Variants in PDE4D observed in about 807,000 individuals in gnomAD.
PDE4D encodes phosphodiesterase 4D, also known as 3',5'-cyclic-AMP phosphodiesterase 4D.
Under a neutral mutation model 87.4 loss-of-function variants are expected in PDE4D, and 24 were observed. That is an observed-to-expected ratio of 0.27 (90% CI 0.20 to 0.39). The LOEUF is 0.39. PDE4D is among the 10% of genes least tolerant of loss of function. PDE4D has a pLI of 1.00. For synonymous variants in PDE4D, 384 were observed against 383.2 expected, an observed-to-expected ratio of 1.00 and a Z score of -0.02; for missense variants, 714 against 1,041.0, an observed-to-expected ratio of 0.69 and a Z score of 4.32.
At chr5:59,981,084 T>C (rs1761879244) in intron 3 of PDE4D, among the ~76,000 whole-genome samples, 1 of 152,052 alleles carries the variant, frequency 6.6e-6, no homozygotes. Context: ...AAACCCCATT[T>C]CTACTAAAAA....
intron 1 of PDE4D, among the ~76,000 whole-genome samples, chr5:59,474,617 C>A (rs887920222): frequency 6.6e-6 from 1 of 152,118 alleles, no homozygotes; most frequent in Non-Finnish European, 1.5e-5. Flanking sequence ...AAGCATCAAT[C>A]ATCTTGGGTC....
intron 1 of PDE4D, among the ~76,000 whole-genome samples, chr5:59,772,193 C>A (rs1276663459): frequency 6.6e-6 from 1 of 152,120 alleles, no homozygotes; most frequent in Non-Finnish European, 1.5e-5. Context: ...GAGGTTTGGA[C>A]AGACTGGCAA....
intron 1 of PDE4D, among the ~76,000 whole-genome samples, chr5:60,301,522 G>C (rs57465287): frequency 0.06 from 9,188 of 152,130 alleles, 916 homozygotes; most frequent in African/African-American, 0.21. Flanking sequence ...CCTGCTGTTG[G>C]TGTACAGGAA....
intron 1 of PDE4D, among the ~76,000 whole-genome samples, chr5:60,367,098 T>G (rs1205127037): frequency 6.6e-6 from 1 of 151,818 alleles, no homozygotes; most frequent in Non-Finnish European, 1.5e-5. Flanking sequence ...AACCAATTTT[T>G]TTTTGTTGTT....
At chr5:59,087,748 A>T (rs1767974933) in intron 5 of PDE4D, among the ~76,000 whole-genome samples, 1 of 152,100 alleles carries the variant, frequency 6.6e-6, no homozygotes, top group African/African-American at 2.4e-5. Flanking sequence ...CACAATCTGT[A>T]ACCTGTTTGA....
chr5:60,048,782 T>C (rs1230870417), intron 2 of PDE4D, among the ~76,000 whole-genome samples: 1 of 152,168 alleles, frequency 6.6e-6, no homozygotes, highest in Non-Finnish European at 1.5e-5. Context: ...GACCTTTCTC[T>C]CTGGCTGCCC....
intron 1 of PDE4D, among the ~76,000 whole-genome samples, chr5:60,217,483 T>C (rs1743993248): frequency 6.6e-6 from 1 of 151,972 alleles, no homozygotes; most frequent in Non-Finnish European, 1.5e-5. Flanking sequence ...TTTGAATGCA[T>C]TTTGTGGTGA....
intron 1 of PDE4D, among the ~76,000 whole-genome samples, chr5:60,425,924 C>G: frequency 6.6e-6 from 1 of 152,148 alleles, no homozygotes; most frequent in Non-Finnish European, 1.5e-5. Context: ...CCAACAGACA[C>G]ATGAAAAAAT....
At chr5:59,637,980 T>C (rs1238493243) in intron 1 of PDE4D, among the ~76,000 whole-genome samples, 1 of 152,230 alleles carries the variant, frequency 6.6e-6, no homozygotes, top group Admixed American at 6.5e-5. Context: ...TATTTCGTTA[T>C]ATTTTCCAAA....
chr5:60,097,036 A>C (rs1775745160), intron 2 of PDE4D, among the ~76,000 whole-genome samples: 1 of 152,008 alleles, frequency 6.6e-6, no homozygotes, highest in Non-Finnish European at 1.5e-5. Flanking sequence ...AAGCATTTAG[A>C]AGTGTGAATT....
chr5:60,090,963 A>C (rs1775056448), intron 2 of PDE4D, among the ~76,000 whole-genome samples: 1 of 152,166 alleles, frequency 6.6e-6, no homozygotes, highest in Admixed American at 6.5e-5. Context: ...TCTGGGAATA[A>C]ATTTAACCAA....
intron 2 of PDE4D, among the ~76,000 whole-genome samples, chr5:60,107,808 G>A (rs897024394): frequency 4.6e-5 from 7 of 151,974 alleles, no homozygotes; most frequent in East Asian, 1.9e-4. Flanking sequence ...AAATTCAACA[G>A]CCCTTCATGC....
In PDE4D at chr5:58,975,613, C is replaced by A; in HGVS notation, c.2013+44G>T. On this transcript the variant is annotated intron_variant, in intron 14 of 14. Coordinates refer to ENST00000340635, the MANE Select transcript of PDE4D (RefSeq NM_001104631.2). The surrounding 1 kb of genome is among the most constrained non-coding windows in gnomAD (Gnocchi z 4.2). ...AATACAAAGTAACCAAATGCTAAAG[C>A]GGTAGCTCTGTTCTCTCTGAAAGCT... The A allele has an allele frequency of 7.2e-7, 1 of 1,388,884 alleles. No individual in the cohort carries two copies. Among genetic ancestry groups the A allele is most frequent in the Non-Finnish European group, 9.6e-7 (1 of 1,045,400 alleles). 86.0% of individuals were successfully genotyped at this position (1,388,884 alleles called of 1,614,324 possible).
At chr5:59,275,253 G>T in intron 1 of PDE4D, 1 of 1,064,790 alleles carries the variant, frequency 9.4e-7, no homozygotes, top group South Asian at 1.4e-5. Flanking sequence ...ACAAAGCCTC[G>T]ACATCACACA....
chr5:59,524,532 T>C (rs1012586400), intron 1 of PDE4D, among the ~76,000 whole-genome samples: 2 of 152,194 alleles, frequency 1.3e-5, no homozygotes, highest in Non-Finnish European at 2.9e-5. Flanking sequence ...ATTTGCAGCC[T>C]GATGATGTAA....
At chr5:59,257,306 A>T (rs951043727) in intron 1 of PDE4D, among the ~76,000 whole-genome samples, 1 of 152,006 alleles carries the variant, frequency 6.6e-6, no homozygotes, top group Non-Finnish European at 1.5e-5. Context: ...TAAACTCCTT[A>T]AGGGTGGCCA....
chr5:60,319,248 C>G (rs1055559128), intron 1 of PDE4D, among the ~76,000 whole-genome samples: 2 of 152,210 alleles, frequency 1.3e-5, no homozygotes, highest in Non-Finnish European at 1.5e-5. Context: ...TCTTCCATCA[C>G]TGATACCCTT....
chr5:60,469,052 A>G (rs932874944), intron 1 of PDE4D, among the ~76,000 whole-genome samples: 8 of 152,010 alleles, frequency 5.3e-5, no homozygotes, highest in Non-Finnish European at 1.2e-4. Context: ...TTTATTGCCA[A>G]TCTGCTTAAG....
intron 1 of PDE4D, among the ~76,000 whole-genome samples, chr5:59,479,911 G>T (rs1803955405): frequency 2.0e-5 from 3 of 151,928 alleles, no homozygotes; most frequent in African/African-American, 7.2e-5. Flanking sequence ...AATAATCATG[G>T]CATATATCTT....
Sources: gnomAD v4.1 joint callset for allele counts (sites outside exome capture counted in the v4.1 genomes callset) on GRCh38, gnomAD v4.1.1 for gene constraint, Gnocchi (gnomAD v3.1) non-coding constraint, MANE v1.5 for transcripts, NCBI Gene and HGNC (gene_info 2026-07-23, HGNC 2026-07-21) for gene names.